The following HS1BP3 variants were observed in gnomAD, a reference collection of about 807,000 sequenced individuals.
HS1BP3 encodes the protein HCLS1 binding protein 3.
In HS1BP3, 32 loss-of-function variants were observed where a neutral mutation model predicts 33.5. The ratio of observed to expected loss-of-function variants is 0.95; its 90% CI spans 0.72 to 1.28. HS1BP3 has a LOEUF of 1.28. Among genes scored for constraint, HS1BP3 ranks in the 50% most tolerant of loss-of-function variants. HS1BP3 has a pLI of 0.00. For missense variants in HS1BP3, 486 were observed against 502.3 expected (o/e 0.97, Z 0.31); for synonymous variants, 187 against 209.2 (o/e 0.89, Z 0.92).
rs10153627 is a variant in HS1BP3, at chr2:20,599,611, C to T, written c.179-1346G>A. On this transcript the variant is annotated intron_variant, in intron 2 of 3. Coordinates refer to the HS1BP3 transcript ENST00000415264. ...ATGTATTCATGGACTTCTTGTGTAA[C>T]ACACACACACACACACACACACACA... is the stretch of plus-strand genomic sequence containing the variant. Among the ~76,000 whole-genome samples, 312 of 82,838 alleles carry T rather than the reference C, an allele frequency of 3.8e-3. 4 individuals are homozygous for T. The highest frequency in any genetic ancestry group is 0.021 in the African/African-American group (296 of 14,366). The allele number at this position is 82,838 out of a possible 152,430, so 54.3% of individuals were successfully genotyped here.
chr2:20,587,504 C>T (rs897054001), intron 5 of HS1BP3, among the ~76,000 whole-genome samples: 6 of 152,058 alleles, frequency 3.9e-5, no homozygotes, highest in African/African-American at 9.7e-5. Context: ...AAGAGCCTGG[C>T]GAAAGGTTGA....
downstream of HS1BP3, among the ~76,000 whole-genome samples, chr2:20,555,452 G>A (rs1222349685): frequency 6.6e-6 from 1 of 152,194 alleles, no homozygotes; most frequent in African/African-American, 2.4e-5. Flanking sequence ...GTAAGGCCCT[G>A]GGTAATGGCA....
downstream of HS1BP3, chr2:20,560,438 G>A (rs559713205): frequency 6.6e-6 from 1 of 152,556 alleles, no homozygotes; most frequent in East Asian, 1.9e-4. Context: ...GGTCCTCCTA[G>A]ATGGTTGTAG....
chr2:20,578,252 G>C (rs1693449239), intron 5 of HS1BP3, among the ~76,000 whole-genome samples: 1 of 152,208 alleles, frequency 6.6e-6, no homozygotes, highest in African/African-American at 2.4e-5. Context: ...GCTCCTAAGT[G>C]GCTCCAGGGC....
chr2:20,614,439 A>G (rs1452235829), downstream of HS1BP3, among the ~76,000 whole-genome samples: 3 of 152,218 alleles, frequency 2.0e-5, no homozygotes, highest in Non-Finnish European at 4.4e-5. Flanking sequence ...AGAGGGCCGC[A>G]TGGAGGAGGC....
At chr2:20,589,943 C>T (rs1693772491), downstream of HS1BP3, among the ~76,000 whole-genome samples, 1 of 152,186 alleles carries the variant, frequency 6.6e-6, no homozygotes, top group African/African-American at 2.4e-5. Context: ...GTAGTTCCCC[C>T]TGGACCAATG....
intron 2 of HS1BP3, among the ~76,000 whole-genome samples, chr2:20,642,537 C>T (rs765175263): frequency 2.6e-5 from 4 of 152,270 alleles, no homozygotes; most frequent in Admixed American, 6.5e-5. Flanking sequence ...GACTCCAGCC[C>T]GGCCCGCAGA....
At chr2:20,597,340 T>G (rs1693965198) in intron 3 of HS1BP3, among the ~76,000 whole-genome samples, 1 of 152,182 alleles carries the variant, frequency 6.6e-6, no homozygotes, top group Non-Finnish European at 1.5e-5. Context: ...TTGTCTAAAT[T>G]TATCATTTCA....
chr2:20,554,483 G>C, the HS1BP3 span, among the ~76,000 whole-genome samples: 8 of 152,300 alleles, frequency 5.3e-5, no homozygotes, highest in South Asian at 1.7e-3. Context: ...AACACTTTGG[G>C]AGGCCGAGGC....
intron 4 of HS1BP3, among the ~76,000 whole-genome samples, chr2:20,629,815 G>A (rs1362880676): frequency 2.0e-5 from 3 of 152,256 alleles, no homozygotes; most frequent in African/African-American, 7.2e-5. Context: ...GCAGCATACG[G>A]GGTGAGAGGC....
intron 2 of HS1BP3, chr2:20,606,707 C>A: frequency 3.8e-6 from 1 of 266,656 alleles, no homozygotes; most frequent in Non-Finnish European, 7.5e-6. Context: ...AGATGTCAGA[C>A]AAAAAGACAC....
In HS1BP3 at chr2:20,572,778, T is replaced by C. The variant is rs561527589; in HGVS notation, c.303-12263A>G. ...TCCCAGCCTGTCCTTCCCATCTGTT[T>C]GGGGGTCACTGGGCCTGCTCAGGAA... On this transcript the variant is annotated intron_variant, in intron 5 of 5. Transcript: ENST00000446825. 2.5e-4 allele frequency among the ~76,000 whole-genome samples: 38 copies of C among 152,282 alleles called. No homozygotes were observed. In the East Asian group the frequency reaches 7.0e-3, roughly 28 times the overall value.
intron 3 of HS1BP3, among the ~76,000 whole-genome samples, chr2:20,639,593 T>C (rs1448792482): frequency 1.3e-5 from 2 of 152,278 alleles, no homozygotes; most frequent in Admixed American, 6.5e-5. Context: ...TATCGTATTA[T>C]GTGATGCTCT....
At chr2:20,592,544 C>T (rs1270690261), downstream of HS1BP3, 2 of 165,176 alleles carry the variant, frequency 1.2e-5, no homozygotes, top group African/African-American at 4.8e-5. Flanking sequence ...AAGGGCTTCC[C>T]ATCAGGATCA....
intron 5 of HS1BP3, among the ~76,000 whole-genome samples, chr2:20,572,410 G>T (rs778279463): frequency 6.6e-6 from 1 of 152,176 alleles, no homozygotes; most frequent in African/African-American, 2.4e-5. Flanking sequence ...TCCTGTCCCC[G>T]TACCCTACTC....
chr2:20,598,655 T>C (rs1572321994), intron 2 of HS1BP3, among the ~76,000 whole-genome samples: 1 of 139,756 alleles, frequency 7.2e-6, no homozygotes, highest in East Asian at 2.3e-4. Flanking sequence ...GCCTCCCGGG[T>C]TCACGCCATT....
At chr2:20,607,761 G>A (rs1316550307) in intron 2 of HS1BP3, among the ~76,000 whole-genome samples, 1 of 152,114 alleles carries the variant, frequency 6.6e-6, no homozygotes, top group Admixed American at 6.5e-5. Flanking sequence ...ACAAATTTTA[G>A]GATTAGCTTT....
At chr2:20,579,090 T>C (rs1305982019) in intron 5 of HS1BP3, among the ~76,000 whole-genome samples, 1 of 152,214 alleles carries the variant, frequency 6.6e-6, no homozygotes, top group Admixed American at 6.5e-5. Context: ...GCACTCCTAA[T>C]ATGCTCATCT....
chr2:20,646,061 C>T (rs1005929462), intron 1 of HS1BP3, among the ~76,000 whole-genome samples: 7 of 152,206 alleles, frequency 4.6e-5, no homozygotes, highest in Non-Finnish European at 8.8e-5. Context: ...TGCTGCCCCT[C>T]GAGGTGTAGA....
Sources: allele counts gnomAD v4.1 joint callset (sites outside exome capture counted in the v4.1 genomes callset), GRCh38; gene constraint gnomAD v4.1.1; transcripts MANE v1.5; gene names NCBI Gene and HGNC (gene_info 2026-07-23, HGNC 2026-07-21).